The following BRMS1L variants were observed in gnomAD, a reference collection of about 807,000 sequenced individuals.
BRMS1L encodes the protein BRMS1 like transcriptional repressor.
Under a neutral mutation model 50.3 loss-of-function variants are expected in BRMS1L, and 23 were observed. The observed-to-expected ratio is 0.46, with a 90% confidence interval of 0.33 to 0.65. BRMS1L has a LOEUF of 0.65. Among genes scored for constraint, BRMS1L ranks in the 30% least tolerant of loss-of-function variants. The pLI is 0.02. For synonymous variants in BRMS1L, 114 were observed against 126.9 expected (o/e 0.90, Z 0.69); for missense variants, 286 against 386.1 (o/e 0.74, Z 2.17).
At chr14:35,858,390 C>T (rs937727068) in intron 4 of BRMS1L, among the ~76,000 whole-genome samples, 1 of 152,146 alleles carries the variant, frequency 6.6e-6, no homozygotes. Flanking sequence ...GTCCCCTTCA[C>T]CTCTCCTCTG....
At position 35,870,709 on chromosome 14, in the gene BRMS1L, GTATT is replaced by G; in HGVS notation, c.*233_*236del. 1 of 245,694 alleles carries G rather than the reference GTATT, an allele frequency of 4.1e-6. No homozygotes were observed. Among genetic ancestry groups the G allele is most frequent in the South Asian group, 8.4e-5 (1 of 11,890 alleles). The allele number at this position is 245,694 out of a possible 1,614,324, so 15.2% of individuals were successfully genotyped here. On this transcript the variant is annotated 3_prime_UTR_variant, in exon 10 of 10. Coordinates refer to ENST00000216807, the MANE Select transcript of BRMS1L (RefSeq NM_032352.4). ...GCCTCTTAGGTCCGATGACCAATAG[GTATT>G]CTGTATATGGTAGGGGTTTCTTTCT...
In BRMS1L at chr14:35,865,586, G is replaced by A. The variant is rs552538619; in HGVS notation, c.688-136G>A. On this transcript the variant is annotated intron_variant, in intron 7 of 9. Transcript: ENST00000216807. ...TCTTAGACATTAAAAATTTGTTAGAGCAGCTAATGGTTATACTTTACTGTC... is the reference window on the plus strand; with the variant it reads ...TCTTAGACATTAAAAATTTGTTAGAACAGCTAATGGTTATACTTTACTGTC... 31 of 664,164 alleles carry A rather than the reference G, an allele frequency of 4.7e-5. No individual in the cohort carries two copies. The East Asian group carries it at 5.6e-4, about 12-fold the overall frequency. 41.1% of individuals were successfully genotyped at this position (664,164 alleles called of 1,614,324 possible). A position where few individuals can be genotyped will look rare whatever the true frequency, so the allele number is the denominator to read the frequency against.
At chr14:35,828,809 A>G (rs2077881184) in intron 1 of BRMS1L, among the ~76,000 whole-genome samples, 1 of 152,178 alleles carries the variant, frequency 6.6e-6, no homozygotes, top group African/African-American at 2.4e-5. Flanking sequence ...CAACTGACAA[A>G]TGGAAATGTG....
chr14:35,840,493 T>G (rs879407014), intron 4 of BRMS1L, among the ~76,000 whole-genome samples: 1 of 148,154 alleles, frequency 6.7e-6, no homozygotes, highest in Admixed American at 6.7e-5. Flanking sequence ...TGAATCCATC[T>G]GGTCCTGGGC....
At chr14:35,838,579 G>A (rs1009354881) in intron 4 of BRMS1L, among the ~76,000 whole-genome samples, 2 of 152,230 alleles carry the variant, frequency 1.3e-5, no homozygotes, top group African/African-American at 2.4e-5. Context: ...ACTGGCGTGA[G>A]ATGGTATCTC....
At chr14:35,841,883 GT>G (rs1278708275) in intron 4 of BRMS1L, among the ~76,000 whole-genome samples, 1 of 151,966 alleles carries the variant, frequency 6.6e-6, no homozygotes, top group Non-Finnish European at 1.5e-5. Flanking sequence ...ATTTAGGATA[GT>G]TAGTTTCTCT....
In BRMS1L at chr14:35,866,305, C is replaced by T. The variant is rs558312158; in HGVS notation, c.727+544C>T. On this transcript the variant is annotated intron_variant, in intron 8 of 9. Transcript: ENST00000216807. Reference sequence around the variant, plus strand: ...CTATAGGTGAGATTTCCTAATCCTTCTAAGGACAATGAAGCTAGACTAAAA... The same window carrying T: ...CTATAGGTGAGATTTCCTAATCCTTTTAAGGACAATGAAGCTAGACTAAAA... 4.6e-5 allele frequency among the ~76,000 whole-genome samples: 7 copies of T among 152,120 alleles called. No homozygotes were observed. The South Asian group carries it at 1.5e-3, about 32-fold the overall frequency.
intron 4 of BRMS1L, among the ~76,000 whole-genome samples, chr14:35,853,551 C>A (rs745994378): frequency 1.3e-5 from 2 of 151,348 alleles, no homozygotes; most frequent in Non-Finnish European, 2.9e-5. Context: ...GTAGCTGTGA[C>A]TACAGGTGCA....
intron 4 of BRMS1L, among the ~76,000 whole-genome samples, chr14:35,846,550 A>G (rs1264489480): frequency 2.0e-5 from 3 of 152,128 alleles, no homozygotes; most frequent in Non-Finnish European, 4.4e-5. Context: ...CAGGCCAGTT[A>G]TTTTGTAGAA....
chr14:35,849,722 C>T (rs2142050908), intron 4 of BRMS1L, among the ~76,000 whole-genome samples: 1 of 152,114 alleles, frequency 6.6e-6, no homozygotes, highest in East Asian at 1.9e-4. Context: ...CTGTTGTCCA[C>T]TGTATGTTTT....
intron 8 of BRMS1L, 124 bp from the exon 9 acceptor site, chr14:35,867,782 T>G: frequency 1.1e-6 from 1 of 894,572 alleles, no homozygotes. Context: ...AGGTTTGTTA[T>G]TTAAGAAATA....
intron 4 of BRMS1L, among the ~76,000 whole-genome samples, chr14:35,853,955 T>TA (rs1460691321): frequency 2.0e-5 from 3 of 152,170 alleles, no homozygotes; most frequent in South Asian, 4.1e-4. Context: ...TAATAGAATC[T>TA]AAAAATTATT....
At chr14:35,859,966 T>TA (rs903691787) in intron 4 of BRMS1L, among the ~76,000 whole-genome samples, 5 of 152,164 alleles carry the variant, frequency 3.3e-5, no homozygotes, top group African/African-American at 1.2e-4. Context: ...AACTGTTTAA[T>TA]AAAAAAATTC....
At chr14:35,856,360 T>C (rs2078279187) in intron 4 of BRMS1L, among the ~76,000 whole-genome samples, 1 of 152,192 alleles carries the variant, frequency 6.6e-6, no homozygotes, top group African/African-American at 2.4e-5. Flanking sequence ...GCTTGAGATA[T>C]GACTATTAAG....
intron 4 of BRMS1L, among the ~76,000 whole-genome samples, chr14:35,856,430 G>A: frequency 6.6e-6 from 1 of 152,122 alleles, no homozygotes; most frequent in East Asian, 1.9e-4. Flanking sequence ...TAGGATTCAG[G>A]TTCTCGAGAA....
At chr14:35,854,159 T>C (rs979675380) in intron 4 of BRMS1L, among the ~76,000 whole-genome samples, 1 of 152,202 alleles carries the variant, frequency 6.6e-6, no homozygotes, top group Non-Finnish European at 1.5e-5. Flanking sequence ...GGTTTCTTGC[T>C]CACTGTTTTT....
intron 1 of BRMS1L, among the ~76,000 whole-genome samples, chr14:35,829,298 A>G (rs1595657517): frequency 6.6e-6 from 1 of 152,322 alleles, no homozygotes. Context: ...ATGTTCTTGC[A>G]TTTATGATAG....
At chr14:35,836,724 T>C (rs1468571273) in intron 4 of BRMS1L, among the ~76,000 whole-genome samples, 1 of 152,246 alleles carries the variant, frequency 6.6e-6, no homozygotes, top group Non-Finnish European at 1.5e-5. Context: ...ATTGCAAAAC[T>C]ACCTTTAATT....
intron 4 of BRMS1L, among the ~76,000 whole-genome samples, chr14:35,852,180 A>T (rs2078219402): frequency 6.6e-6 from 1 of 152,238 alleles, no homozygotes; most frequent in African/African-American, 2.4e-5. Flanking sequence ...TCACGACAGA[A>T]CATGAACCAG....
Sources: gnomAD v4.1 joint callset for allele counts (sites outside exome capture counted in the v4.1 genomes callset) on GRCh38, gnomAD v4.1.1 for gene constraint, MANE v1.5 for transcripts, NCBI Gene and HGNC (gene_info 2026-07-23, HGNC 2026-07-21) for gene names.